The following SLC22A7 variants were observed in gnomAD, a reference collection of about 807,000 sequenced individuals.
The protein encoded by SLC22A7 is solute carrier family 22 member 7.
A neutral mutation model predicts 62.2 loss-of-function variants in SLC22A7; 48 were observed. The ratio of observed to expected loss-of-function variants is 0.77; its 90% CI spans 0.61 to 0.98. The LOEUF is 0.98. Ranked by LOEUF, SLC22A7 falls within the 50% of genes least tolerant of loss-of-function variation. The probability of loss-of-function intolerance (pLI) is 0.00; values close to 1 mark genes in which losing one functional copy is unlikely to be tolerated. For synonymous variants in SLC22A7, 276 were observed against 314.8 expected, an observed-to-expected ratio of 0.88 and a Z score of 1.30; for missense variants, 581 against 703.8, an observed-to-expected ratio of 0.83 and a Z score of 1.97.
upstream of SLC22A7, among the ~76,000 whole-genome samples, chr6:43,296,829 T>C (rs1042562934): frequency 6.6e-6 from 1 of 152,056 alleles, no homozygotes; most frequent in East Asian, 1.9e-4. Flanking sequence ...CAGAAGCTGG[T>C]GAAGGGTTTT....
In SLC22A7 at chr6:43,299,856, T is replaced by A. The variant is rs1178740151; in HGVS notation, c.659-42T>A. On this transcript the variant is annotated intron_variant, in intron 4 of 10. Transcript: ENST00000372585. The surrounding 1 kb of genome is among the most constrained non-coding windows in gnomAD (Gnocchi z 4.4). ...TTGTCAGAGTGAGGCTGAGCCCATC[T>A]GGTCCTCACTAACCATCTTCCTGTC... 4.3e-6 allele frequency: 7 copies of A among 1,614,198 alleles called. No homozygotes were observed.
upstream of SLC22A7, among the ~76,000 whole-genome samples, chr6:43,296,722 T>A (rs1778571771): frequency 6.6e-6 from 1 of 151,830 alleles, no homozygotes; most frequent in Non-Finnish European, 1.5e-5. Flanking sequence ...GAAGGGAGCA[T>A]GTTGGAGAGG....
At chr6:43,303,946 G>C in intron 9 of SLC22A7, 92 bp from the exon 10 acceptor site, 27 of 1,094,994 alleles carry the variant, frequency 2.5e-5, no homozygotes, top group Non-Finnish European at 3.4e-5. Flanking sequence ...GGGAGTATCA[G>C]GGCCTGCCAG....
chr6:43,301,521 T>C (rs1159295336), intron 6 of SLC22A7, 62 bp from the exon 7 acceptor site: 12 of 1,309,358 alleles, frequency 9.2e-6, no homozygotes, highest in Non-Finnish European at 1.2e-5. Flanking sequence ...GGGAGAGTAC[T>C]GTGTCCCATT....
In SLC22A7 at chr6:43,302,994, C is replaced by T. The variant is rs70953688; in HGVS notation, c.1385+231C>T. ...AGTGCTCGTATTACAGGCACTATTA[C>T]AGGCATGAGCCACCGCACCCAGCCT... On this transcript the variant is annotated intron_variant, in intron 9 of 10. Coordinates refer to ENST00000372585, the MANE Select transcript of SLC22A7 (RefSeq NM_153320.2). The surrounding 1 kb of genome is among the most constrained non-coding windows in gnomAD (Gnocchi z 5.0). 247 of 466,660 alleles carry T rather than the reference C, an allele frequency of 5.3e-4. No individual in the cohort carries two copies. The highest frequency in any genetic ancestry group is 5.0e-3 in the African/African-American group (234 of 47,012). 28.9% of individuals were successfully genotyped at this position (466,660 alleles called of 1,614,324 possible).
At position 43,304,704 on chromosome 6, in the gene SLC22A7, C is replaced by A; in HGVS notation, c.1626C>A (p.Pro542=). 6.3e-7 allele frequency: 1 copy of A among 1,595,546 alleles called. No individual in the cohort carries two copies. Among genetic ancestry groups the A allele is most frequent in the Non-Finnish European group, 8.6e-7 (1 of 1,168,016 alleles). The stretch of plus-strand genomic sequence containing the variant: ...CCAGTCTTCAGGAGGAAGAGATGCC[C>A]ATGAAGCAGGTCCAGAACTAAGTGG... ...APTSLQEEEM[P]MKQVQN The change falls in exon 11 of 11, where the codon CCC becomes CCA. Residue 542 remains proline, a synonymous_variant. Coordinates refer to ENST00000372585, the MANE Select transcript of SLC22A7 (RefSeq NM_153320.2).
chr6:43,296,203 C>A (rs1002805473), upstream of SLC22A7, among the ~76,000 whole-genome samples: 3 of 152,198 alleles, frequency 2.0e-5, no homozygotes, highest in Non-Finnish European at 2.9e-5. Context: ...CTGTGCCTGG[C>A]CAGGGCTGCA....
Position 43,304,155 on chromosome 6 carries a change from C to G in SLC22A7, c.1503C>G (p.Ile501Met). Residue 501 changes from isoleucine (I) to methionine (M), a missense_variant, in exon 10 of 11, where the codon ATC (isoleucine) becomes ATG (methionine). Ile to Met is a conservative substitution (Grantham distance 10, BLOSUM62 1). Transcript: ENST00000372585. ...TGCCCAAGCTTACTTATGGGGGGAT[C>G]GCCCTGCTGGCTGCCGGCACCGCCC... ...LSLPKLTYGG[I>M]ALLAAGTALL... 2 of 1,604,004 alleles carry G rather than the reference C, an allele frequency of 1.2e-6. No homozygotes were observed. The highest frequency in any genetic ancestry group is 1.7e-6 in the Non-Finnish European group (2 of 1,173,690).
chr6:43,304,559 C>T (rs945230799), intron 10 of SLC22A7, 112 bp from the exon 11 acceptor site: 20 of 849,266 alleles, frequency 2.4e-5, no homozygotes, highest in South Asian at 8.0e-5. Context: ...CTTGTACAGG[C>T]GTTTGTATAC....
chr6:43,302,835 A>G lies in SLC22A7; in HGVS notation c.1385+72A>G, dbSNP rs1239624016. On this transcript the variant is annotated intron_variant, in intron 9 of 10. Coordinates refer to ENST00000372585, the MANE Select transcript of SLC22A7 (RefSeq NM_153320.2). The surrounding 1 kb of genome is among the most constrained non-coding windows in gnomAD (Gnocchi z 5.0). ...CGTGTCTTAACCAACACTTCTACAT[A>G]CACGCACCACAACCTGGTCTCTCAC... The G allele has an allele frequency of 4.2e-6, 4 of 952,358 alleles. No individual in the cohort carries two copies. The Admixed American group carries it at 6.7e-5, about 16-fold the overall frequency. The allele number at this position is 952,358 out of a possible 1,614,324, so 59.0% of individuals were successfully genotyped here.
At position 43,299,571 on chromosome 6, in the gene SLC22A7, C is replaced by T. The variant is rs1024806259; in HGVS notation, c.504-56C>T. Reference sequence around the variant, plus strand: ...CTAGCTGGGGTATGAGCCTAGTCTACCTATGCCTTAGAACCTCCTTCCACA... The same window carrying T: ...CTAGCTGGGGTATGAGCCTAGTCTATCTATGCCTTAGAACCTCCTTCCACA... On this transcript the variant is annotated intron_variant, in intron 3 of 10. Coordinates refer to ENST00000372585, the MANE Select transcript of SLC22A7 (RefSeq NM_153320.2). This position sits in a 1 kb window ranked among gnomAD's most constrained non-coding sequence, Gnocchi z 4.4. 2.0e-5 allele frequency: 33 copies of T among 1,612,968 alleles called. No individual in the cohort carries two copies. The Admixed American group carries it at 5.3e-4, about 26-fold the overall frequency.
chr6:43,304,594 C>A, intron 10 of SLC22A7, 77 bp from the exon 11 acceptor site: 1 of 1,316,902 alleles, frequency 7.6e-7, no homozygotes, highest in Non-Finnish European at 1.1e-6. Context: ...AGCCCTGGGA[C>A]AGCCCTGATG....
In SLC22A7 at chr6:43,299,592, C is replaced by T. The variant is rs370319616; in HGVS notation, c.504-35C>T. 2.4e-4 allele frequency: 380 copies of T among 1,613,888 alleles called. 1 individual carries two copies. Among genetic ancestry groups the T allele is most frequent in the South Asian group, 4.9e-4 (45 of 91,068 alleles). On this transcript the variant is annotated intron_variant, in intron 3 of 10. Coordinates refer to ENST00000372585, the MANE Select transcript of SLC22A7 (RefSeq NM_153320.2). This position sits in a 1 kb window ranked among gnomAD's most constrained non-coding sequence, Gnocchi z 4.4. ...TCTACCTATGCCTTAGAACCTCCTT[C>T]CACAGGGAACTGACCCTGCATGACC...
upstream of SLC22A7, among the ~76,000 whole-genome samples, chr6:43,296,564 G>A (rs1288764007): frequency 6.6e-6 from 1 of 152,232 alleles, no homozygotes; most frequent in African/African-American, 2.4e-5. Context: ...CGTGAGTGAG[G>A]ATGAGAAGGG....
Position 43,302,517 on chromosome 6 carries a change from C to A in SLC22A7, c.1276+103C>A. 1 of 1,217,648 alleles carries A rather than the reference C, an allele frequency of 8.2e-7. No homozygotes were observed. Among genetic ancestry groups the A allele is most frequent in the Non-Finnish European group, 1.1e-6 (1 of 872,510 alleles). 75.4% of individuals were successfully genotyped at this position (1,217,648 alleles called of 1,614,324 possible). A position where few individuals can be genotyped will look rare whatever the true frequency, so the allele number is the denominator to read the frequency against. ...CCTGGCCAAGAACCCACTCCTCCCC[C>A]AGATCCCTGCTCTTACCCAGTGAGC... On this transcript the variant is annotated intron_variant, in intron 8 of 10. Coordinates refer to ENST00000372585, the MANE Select transcript of SLC22A7 (RefSeq NM_153320.2). The surrounding 1 kb of genome is among the most constrained non-coding windows in gnomAD (Gnocchi z 5.0).
chr6:43,296,405 G>A (rs1346721118), upstream of SLC22A7, among the ~76,000 whole-genome samples: 1 of 152,252 alleles, frequency 6.6e-6, no homozygotes, highest in Non-Finnish European at 1.5e-5. Context: ...GTATTACCCT[G>A]TGGAGCCACT....
intron 9 of SLC22A7, among the ~76,000 whole-genome samples, chr6:43,303,652 G>A (rs1396647475): frequency 1.3e-5 from 2 of 152,048 alleles, no homozygotes; most frequent in Non-Finnish European, 2.9e-5. Flanking sequence ...CTGAGAGGTG[G>A]GAAGAGGAAA....
At position 43,304,789 on chromosome 6, in the gene SLC22A7, G is replaced by C; in HGVS notation, c.*64G>C. On this transcript the variant is annotated 3_prime_UTR_variant, in exon 11 of 11. Coordinates refer to ENST00000372585, the MANE Select transcript of SLC22A7 (RefSeq NM_153320.2). ...CAGGGGCTGGGAGAGCAGAAGGGCA[G>C]GCCCTGCAACTCAGGCTGGGAGTAT... 19 of 1,351,020 alleles carry C rather than the reference G, an allele frequency of 1.4e-5. No homozygotes were observed. Among genetic ancestry groups the C allele is most frequent in the Non-Finnish European group, 1.9e-5 (19 of 992,392 alleles). 83.7% of individuals were successfully genotyped at this position (1,351,020 alleles called of 1,614,324 possible).
chr6:43,302,575 C>A lies in SLC22A7; in HGVS notation c.1277-80C>A. The A allele has an allele frequency of 8.0e-7, 1 of 1,254,916 alleles. No homozygotes were observed. Among genetic ancestry groups the A allele is most frequent in the South Asian group, 1.3e-5 (1 of 74,776 alleles). The allele number at this position is 1,254,916 out of a possible 1,614,324, so 77.7% of individuals were successfully genotyped here. On this transcript the variant is annotated intron_variant, in intron 8 of 10. Coordinates refer to ENST00000372585, the MANE Select transcript of SLC22A7 (RefSeq NM_153320.2). This position sits in a 1 kb window ranked among gnomAD's most constrained non-coding sequence, Gnocchi z 5.0. ...CTCCACCACTTAAGTTTGGCCCACT[C>A]TGGAGACTCCGCACCCTATCCAGAA...
Sources: allele counts gnomAD v4.1 joint callset (sites outside exome capture counted in the v4.1 genomes callset), GRCh38; gene constraint gnomAD v4.1.1; non-coding constraint Gnocchi (gnomAD v3.1); transcripts MANE v1.5; gene names NCBI Gene and HGNC (gene_info 2026-07-23, HGNC 2026-07-21).